BACE2: variants seen among roughly 807,000 people sequenced by gnomAD.
BACE2 encodes the protein beta-secretase 2, also known as 56 kDa aspartic-like protease.
Under a neutral mutation model 46.2 loss-of-function variants are expected in BACE2, and 17 were observed. The ratio of observed to expected loss-of-function variants is 0.37; its 90% CI spans 0.25 to 0.55. The LOEUF (loss-of-function observed/expected upper bound fraction) is 0.55. Ranked by LOEUF, BACE2 falls within the 20% of genes least tolerant of loss-of-function variation. The pLI is 0.82. For synonymous variants in BACE2, 277 were observed against 295.9 expected (o/e 0.94, Z 0.66); for missense variants, 595 against 698.1 (o/e 0.85, Z 1.66).
In BACE2 at chr21:41,239,782, A is replaced by G. The variant is rs146318214; in HGVS notation, c.619-2037A>G. Among the ~76,000 whole-genome samples the G allele has an allele frequency of 4.0e-4, 61 of 152,334 alleles. No individual in the cohort carries two copies. In the East Asian group the frequency reaches 0.011, roughly 27 times the overall value. ...CTGTCTGCAGAGCCAGGGCTGGCTC[A>G]TGAACCTTTTGTCCTCTGTATCATA... On this transcript the variant is annotated intron_variant, in intron 3 of 8. Coordinates refer to ENST00000330333, the MANE Select transcript of BACE2 (RefSeq NM_012105.5).
chr21:41,218,462 T>C (rs889314663), intron 1 of BACE2, among the ~76,000 whole-genome samples: 4 of 152,132 alleles, frequency 2.6e-5, no homozygotes, highest in Non-Finnish European at 4.4e-5. Flanking sequence ...CGTGGGAGGC[T>C]GAACAAAACC....
intron 8 of BACE2, among the ~76,000 whole-genome samples, chr21:41,262,647 T>C (rs1987969887): frequency 6.6e-6 from 1 of 152,188 alleles, no homozygotes; most frequent in South Asian, 2.1e-4. Flanking sequence ...CCCCTATGAA[T>C]GTACCAGATC....
intron 1 of BACE2, among the ~76,000 whole-genome samples, chr21:41,207,440 T>G (rs1319760406): frequency 6.6e-6 from 1 of 152,230 alleles, no homozygotes. Flanking sequence ...CATCAGTGAA[T>G]GCGCTCACAC....
At chr21:41,273,671 TC>T (rs2088455997) in intron 8 of BACE2, among the ~76,000 whole-genome samples, 1 of 152,130 alleles carries the variant, frequency 6.6e-6, no homozygotes, top group Admixed American at 6.5e-5. Context: ...CATCACAGGG[TC>T]CTGAGGTGGC....
intron 1 of BACE2, chr21:41,178,424 C>T (rs1191608159): frequency 1.3e-5 from 2 of 152,214 alleles, no homozygotes; most frequent in East Asian, 3.9e-4. Context: ...AAAGGATGAG[C>T]ATGTTTTTCT....
intron 8 of BACE2, among the ~76,000 whole-genome samples, chr21:41,259,348 G>A (rs552660906): frequency 3.4e-4 from 51 of 151,930 alleles, no homozygotes; most frequent in African/African-American, 9.2e-4. Flanking sequence ...GGATTGTTTC[G>A]CCATTAAAGT....
intron 2 of BACE2, 39 bp downstream of exon 2, chr21:41,226,393 C>T (rs1223782587): frequency 3.9e-6 from 6 of 1,553,748 alleles, no homozygotes; most frequent in South Asian, 2.3e-5. Flanking sequence ...TGGGCCGGGG[C>T]ACTGCATGAT....
intron 1 of BACE2, among the ~76,000 whole-genome samples, chr21:41,206,615 G>A (rs1986133995): frequency 6.6e-6 from 1 of 152,212 alleles, no homozygotes; most frequent in Non-Finnish European, 1.5e-5. Context: ...GAAACATTAA[G>A]GGTGGTGTCC....
At chr21:41,257,395 G>A in intron 8 of BACE2, 69 bp downstream of exon 8, 5 of 1,540,832 alleles carry the variant, frequency 3.2e-6, no homozygotes, top group South Asian at 1.2e-5. Context: ...TGACTTGGAA[G>A]CAATTCTTGA....
intron 2 of BACE2, among the ~76,000 whole-genome samples, chr21:41,229,493 C>T (rs1274896682): frequency 6.6e-6 from 1 of 152,156 alleles, no homozygotes; most frequent in East Asian, 1.9e-4. Context: ...CTGTGGCAGC[C>T]GCTCATCGCC....
chr21:41,230,480 CTG>C (rs1383231919), intron 2 of BACE2, among the ~76,000 whole-genome samples: 2 of 152,224 alleles, frequency 1.3e-5, no homozygotes, highest in African/African-American at 4.8e-5. Flanking sequence ...AGCCAAGAGA[CTG>C]TCCTTTTGCC....
At chr21:41,213,765 C>A (rs1986371307) in intron 1 of BACE2, among the ~76,000 whole-genome samples, 1 of 151,572 alleles carries the variant, frequency 6.6e-6, no homozygotes, top group Non-Finnish European at 1.5e-5. Context: ...CAGAGCGATA[C>A]TCCGTCTCAA....
intron 1 of BACE2, among the ~76,000 whole-genome samples, chr21:41,207,828 A>G (rs1986177053): frequency 1.3e-5 from 2 of 152,256 alleles, no homozygotes. Flanking sequence ...TCCAAGAGGC[A>G]GAGTGAGAAT....
chr21:41,202,047 A>G (rs1568865914), intron 1 of BACE2, among the ~76,000 whole-genome samples: 1 of 152,266 alleles, frequency 6.6e-6, no homozygotes, highest in Non-Finnish European at 1.5e-5. Context: ...TGGTTTTTGT[A>G]TAATTCCTGT....
At chr21:41,218,881 T>C (rs1340700089) in intron 1 of BACE2, among the ~76,000 whole-genome samples, 1 of 150,236 alleles carries the variant, frequency 6.7e-6, no homozygotes. Context: ...TTTTTTTTTT[T>C]GTGACAGAGT....
At chr21:41,204,632 T>G (rs990893944) in intron 1 of BACE2, among the ~76,000 whole-genome samples, 1 of 152,216 alleles carries the variant, frequency 6.6e-6, no homozygotes, top group African/African-American at 2.4e-5. Context: ...ATGTTGCAAT[T>G]TTTTTCTCCA....
At chr21:41,213,731 G>A (rs1244368082) in intron 1 of BACE2, among the ~76,000 whole-genome samples, 3 of 151,816 alleles carry the variant, frequency 2.0e-5, no homozygotes, top group South Asian at 2.1e-4. Context: ...CCAAGATCGC[G>A]CCACTGCATG....
intron 2 of BACE2, among the ~76,000 whole-genome samples, chr21:41,226,764 C>G (rs1305417736): frequency 2.0e-5 from 3 of 152,156 alleles, no homozygotes; most frequent in African/African-American, 4.8e-5. Context: ...GGGTTTGCTT[C>G]CTCAGCTGAA....
rs1232078112 is a variant in BACE2, at chr21:41,193,039, G to A, written c.312+24464G>A. On this transcript the variant is annotated intron_variant, in intron 1 of 8. Coordinates refer to ENST00000330333, the MANE Select transcript of BACE2 (RefSeq NM_012105.5). This position sits in a 1 kb window ranked among gnomAD's most constrained non-coding sequence, Gnocchi z 4.2. ...TGGCACATAAATGTCTCACCAATAA[G>A]TCCAGTGTGTTTGCTACTTCTTGCT... is the stretch of plus-strand genomic sequence containing the variant. Among the ~76,000 whole-genome samples the A allele has an allele frequency of 6.6e-6, 1 of 152,178 alleles. No homozygotes were observed. Among genetic ancestry groups the A allele is most frequent in the East Asian group, 1.9e-4 (1 of 5,200 alleles).
Sources: allele counts gnomAD v4.1 joint callset (sites outside exome capture counted in the v4.1 genomes callset), GRCh38; gene constraint gnomAD v4.1.1; non-coding constraint Gnocchi (gnomAD v3.1); transcripts MANE v1.5; gene names NCBI Gene and HGNC (gene_info 2026-07-23, HGNC 2026-07-21).